The following CSMD3 variants were observed in gnomAD, a reference collection of about 807,000 sequenced individuals.
CSMD3 encodes the protein CUB and sushi domain-containing protein 3.
A neutral mutation model predicts 435.2 loss-of-function variants in CSMD3; 177 were observed. The ratio of observed to expected loss-of-function variants is 0.41; its 90% CI spans 0.36 to 0.46. The LOEUF (loss-of-function observed/expected upper bound fraction) is 0.46, where lower values mean the gene tolerates loss of function less well. Among genes scored for constraint, CSMD3 ranks in the 20% least tolerant of loss-of-function variants. CSMD3 has a pLI of 0.34. For missense variants in CSMD3, 4,265 were observed against 4,504.6 expected (o/e 0.95, Z 1.52); for synonymous variants, 1,656 against 1,520.5 (o/e 1.09, Z -2.07).
intron 1 of CSMD3, among the ~76,000 whole-genome samples, chr8:113,352,352 C>A (rs763467431): frequency 2.0e-5 from 3 of 151,890 alleles, no homozygotes; most frequent in Non-Finnish European, 4.4e-5. Flanking sequence ...TGTCACAAAC[C>A]AAGCAACTTC....
rs754753189 is a variant in CSMD3, at chr8:112,234,441, C to A, written c.10664G>T (p.Arg3555Leu). The change falls in exon 68 of 71, where the codon CGC becomes CTC. Residue 3555 changes from arginine (R) to leucine (L), a missense_variant. Physicochemically the swap from Arg to Leu is moderately radical, Grantham distance 102. Coordinates refer to ENST00000297405, the MANE Select transcript of CSMD3 (RefSeq NM_198123.2). ...YKSQEARLML[R>L]IYLIKVPAHA... ...AGCAGGTACTTTAATAAGATATATG[C>A]GTAACATTAGGCGAGCTTCCTGGCT... The A allele has an allele frequency of 6.2e-7, 1 of 1,613,090 alleles. No individual in the cohort carries two copies. The highest frequency in any genetic ancestry group is 2.2e-5 in the East Asian group (1 of 44,764).
intron 3 of CSMD3, among the ~76,000 whole-genome samples, chr8:113,215,173 A>C (rs971723882): frequency 1.3e-5 from 2 of 151,886 alleles, no homozygotes; most frequent in African/African-American, 4.8e-5. Context: ...CTTTGCTTAT[A>C]ATTTTGACCA....
chr8:112,494,325 T>C (rs200092512), intron 30 of CSMD3, among the ~76,000 whole-genome samples: 1 of 1,148 alleles, frequency 8.7e-4, no homozygotes, highest in Admixed American at 0.013. Flanking sequence ...CTCCTTTCTT[T>C]CTTCCTTTCT....
chr8:113,047,427 T>C (rs911866641), intron 5 of CSMD3, among the ~76,000 whole-genome samples: 4 of 152,238 alleles, frequency 2.6e-5, no homozygotes, highest in Non-Finnish European at 4.4e-5. Context: ...ACAAAAGTGC[T>C]ATTTGGTTTC....
chr8:113,159,470 C>A (rs1460247886), intron 4 of CSMD3, among the ~76,000 whole-genome samples: 2 of 151,860 alleles, frequency 1.3e-5, no homozygotes, highest in African/African-American at 4.8e-5. Flanking sequence ...TGGGCCATTA[C>A]AACCCTGAGT....
At chr8:112,635,074 A>C (rs2074619917) in intron 22 of CSMD3, among the ~76,000 whole-genome samples, 1 of 152,066 alleles carries the variant, frequency 6.6e-6, no homozygotes, top group Non-Finnish European at 1.5e-5. Flanking sequence ...TTATAATGTT[A>C]GCGTTTTATA....
At chr8:112,858,169 A>G (rs2080720717) in intron 11 of CSMD3, among the ~76,000 whole-genome samples, 1 of 151,674 alleles carries the variant, frequency 6.6e-6, no homozygotes, top group Non-Finnish European at 1.5e-5. Flanking sequence ...GGCAATATAT[A>G]CTTTAATAAC....
rs1278081455 is a variant in CSMD3 at position 112,587,217 on chromosome 8, G to T, written c.3734C>A (p.Ala1245Glu). Reference sequence around the variant, plus strand: ...CAGCAAAATTCCTTCATTATTCGTTGCAGATGCACCACATTCAGCTGCAGG... The same window carrying T: ...CAGCAAAATTCCTTCATTATTCGTTTCAGATGCACCACATTCAGCTGCAGG... The part of the protein sequence containing the change: ...PRCVAECGAS[A>E]TNNEGILLSP... The change falls in exon 23 of 71, where the codon GCA becomes GAA. Residue 1245 changes from alanine (A) to glutamate (E), a missense_variant. Physicochemically the swap from Ala to Glu is moderately radical, Grantham distance 107. Around this residue, in one of 3 missense-constraint regions of CSMD3, gnomAD observed 3,255 missense variants for 3,380.2 expected, o/e 0.96. Coordinates refer to ENST00000297405, the MANE Select transcript of CSMD3 (RefSeq NM_198123.2). 1 of 1,609,034 alleles carries T rather than the reference G, an allele frequency of 6.2e-7. No individual in the cohort carries two copies. The highest frequency in any genetic ancestry group is 1.1e-5 in the South Asian group (1 of 90,982).
chr8:112,873,963 T>C (rs2130088129), intron 10 of CSMD3, among the ~76,000 whole-genome samples: 1 of 152,264 alleles, frequency 6.6e-6, no homozygotes, highest in Admixed American at 6.5e-5. Context: ...TTTGAATTTG[T>C]TTGCTCTTGC....
At chr8:113,343,530 GC>G (rs1414067301) in intron 1 of CSMD3, among the ~76,000 whole-genome samples, 1 of 152,136 alleles carries the variant, frequency 6.6e-6, no homozygotes, top group Non-Finnish European at 1.5e-5. Context: ...AAAAGATAGT[GC>G]CTTTGAGACA....
intron 12 of CSMD3, among the ~76,000 whole-genome samples, 165 bp downstream of exon 12, chr8:112,829,521 T>C (rs543785054): frequency 7.0e-4 from 106 of 152,308 alleles, no homozygotes; most frequent in African/African-American, 2.4e-3. Flanking sequence ...TTAAATCTCA[T>C]TGAAGAAGCA....
chr8:112,715,533 C>T (rs1196685499), intron 13 of CSMD3, among the ~76,000 whole-genome samples: 5 of 152,136 alleles, frequency 3.3e-5, no homozygotes, highest in African/African-American at 1.2e-4. Flanking sequence ...GAGACTATTC[C>T]AAAGAATTGA....
At chr8:113,107,983 A>G (rs1249147234) in intron 4 of CSMD3, among the ~76,000 whole-genome samples, 3 of 152,214 alleles carry the variant, frequency 2.0e-5, no homozygotes, top group Non-Finnish European at 4.4e-5. Flanking sequence ...TTGATCATCA[A>G]TTTGGATTCT....
At chr8:112,683,103 T>C (rs565037802) in intron 15 of CSMD3, among the ~76,000 whole-genome samples, 2 of 151,920 alleles carry the variant, frequency 1.3e-5, no homozygotes, top group East Asian at 1.9e-4. Context: ...GTGAAATGTC[T>C]CAATCTAGTA....
At chr8:113,055,224 C>G (rs980199986) in intron 5 of CSMD3, among the ~76,000 whole-genome samples, 2 of 152,132 alleles carry the variant, frequency 1.3e-5, no homozygotes, top group Admixed American at 6.6e-5. Context: ...GATCTCGACT[C>G]ACTGCAACCT....
intron 3 of CSMD3, among the ~76,000 whole-genome samples, chr8:113,227,589 GT>G (rs1027421127): frequency 4.6e-5 from 7 of 151,640 alleles, no homozygotes; most frequent in African/African-American, 1.7e-4. Flanking sequence ...CATGGAAGTG[GT>G]TTTCCCCAGA....
At chr8:112,515,262 T>G (rs1823551319) in intron 28 of CSMD3, among the ~76,000 whole-genome samples, 1 of 152,126 alleles carries the variant, frequency 6.6e-6, no homozygotes, top group Admixed American at 6.6e-5. Context: ...AGCAACATCC[T>G]TTAGCCAAAT....
chr8:112,802,717 A>G (rs9297480), intron 12 of CSMD3, among the ~76,000 whole-genome samples: 126,508 of 151,686 alleles, frequency 0.83, 53,046 homozygotes, highest in African/African-American at 0.91. Flanking sequence ...TGAATTGAGT[A>G]GACCCCACAG....
At position 112,341,512 on chromosome 8, in the gene CSMD3, G is replaced by T. The variant is rs1413881682; in HGVS notation, c.6617C>A (p.Ser2206Ter). ...ETSLYFHSDY[S>*]QNKQGFHIVY... ...AATATGAAACCCTTGTTTGTTTTGT[G>T]AATAGTCACTGTGAAAATATAAGCT... Residue 2206 changes from serine (S) to a stop codon, truncating the protein, a stop_gained, in exon 42 of 71, where the codon TCA becomes TAA. Transcript: ENST00000297405. LOFTEE classifies it high-confidence loss of function. 6.2e-7 allele frequency: 1 copy of T among 1,612,668 alleles called. No individual in the cohort carries two copies. Among genetic ancestry groups the T allele is most frequent in the South Asian group, 1.1e-5 (1 of 91,042 alleles).
Sources: allele counts gnomAD v4.1 joint callset (sites outside exome capture counted in the v4.1 genomes callset), GRCh38; gene constraint gnomAD v4.1.1; regional missense constraint gnomAD v4.1.1; transcripts MANE v1.5; gene names NCBI Gene and HGNC (gene_info 2026-07-23, HGNC 2026-07-21).